The following CNTLN variants were observed in gnomAD, a reference collection of about 807,000 sequenced individuals.
CNTLN encodes centlein, also known as centlein, centrosomal protein.
In CNTLN, 212 loss-of-function variants were observed where a neutral mutation model predicts 180.0. The observed-to-expected ratio is 1.18, with a 90% CI of 1.05 to 1.32. The LOEUF is 1.32. Ranked by LOEUF, CNTLN falls within the 40% of genes most tolerant of loss-of-function variation. CNTLN has a pLI of 0.00. For synonymous variants in CNTLN, 722 were observed against 563.1 expected (o/e 1.28, Z -3.99); for missense variants, 2,095 against 1,610.9 (o/e 1.30, Z -5.14).
intron 2 of CNTLN, among the ~76,000 whole-genome samples, chr9:17,144,803 G>T (rs1818332871): frequency 6.6e-6 from 1 of 150,812 alleles, no homozygotes; most frequent in Non-Finnish European, 1.5e-5. Flanking sequence ...TATACTTGGA[G>T]AATTTATTTA....
chr9:17,431,619 C>A (rs1473676038), intron 18 of CNTLN, among the ~76,000 whole-genome samples: 2 of 152,060 alleles, frequency 1.3e-5, no homozygotes, highest in East Asian at 3.9e-4. Context: ...TGGCCCAAAC[C>A]AGTGCCCTGA....
At chr9:17,158,423 A>G (rs115948607) in intron 2 of CNTLN, among the ~76,000 whole-genome samples, 2 of 152,030 alleles carry the variant, frequency 1.3e-5, no homozygotes, top group African/African-American at 4.8e-5. Flanking sequence ...TGTTTCCTTA[A>G]ATTTTATGAA....
intron 23 of CNTLN, among the ~76,000 whole-genome samples, chr9:17,471,303 C>T (rs888468628): frequency 1.3e-5 from 2 of 151,900 alleles, no homozygotes; most frequent in African/African-American, 4.8e-5. Flanking sequence ...CTAAAAATGA[C>T]ATGTATCGCA....
At chr9:17,519,617 A>G in the CNTLN span, among the ~76,000 whole-genome samples, 1 of 152,208 alleles carries the variant, frequency 6.6e-6, no homozygotes, top group Non-Finnish European at 1.5e-5. Flanking sequence ...AGCTTTTTTT[A>G]CACTTTCTTT....
At chr9:17,494,136 G>T (rs1000112123) in intron 25 of CNTLN, among the ~76,000 whole-genome samples, 1 of 152,136 alleles carries the variant, frequency 6.6e-6, no homozygotes, top group African/African-American at 2.4e-5. Context: ...AAAATACATG[G>T]AAAATAACTC....
chr9:17,474,142 T>C (rs1357226339), intron 23 of CNTLN, among the ~76,000 whole-genome samples: 1 of 152,186 alleles, frequency 6.6e-6, no homozygotes, highest in Non-Finnish European at 1.5e-5. Context: ...TTCTGACCTA[T>C]GACTCCCTAA....
intron 5 of CNTLN, among the ~76,000 whole-genome samples, chr9:17,270,032 T>G (rs1195499553): frequency 6.6e-6 from 1 of 152,162 alleles, no homozygotes; most frequent in African/African-American, 2.4e-5. Context: ...TAGCTCTAAG[T>G]GCTTACACTT....
intron 18 of CNTLN, among the ~76,000 whole-genome samples, chr9:17,436,803 G>A (rs7870334): frequency 0.13 from 19,541 of 152,062 alleles, 1,515 homozygotes; most frequent in African/African-American, 0.21. Context: ...CCTCATTTCC[G>A]TTTTTGTGAT....
At chr9:17,213,526 T>C (rs1041456446) in intron 2 of CNTLN, among the ~76,000 whole-genome samples, 1 of 152,242 alleles carries the variant, frequency 6.6e-6, no homozygotes, top group African/African-American at 2.4e-5. Flanking sequence ...GAAGCATGTA[T>C]ATTCTGTTGA....
intron 6 of CNTLN, among the ~76,000 whole-genome samples, chr9:17,288,575 G>A (rs1429556048): frequency 1.6e-5 from 2 of 127,890 alleles, no homozygotes; most frequent in Non-Finnish European, 3.2e-5. Context: ...TTGACTTTCT[G>A]TCTCGTTGAT....
chr9:17,147,210 G>A (rs962532917), intron 2 of CNTLN, among the ~76,000 whole-genome samples: 4 of 152,186 alleles, frequency 2.6e-5, no homozygotes, highest in African/African-American at 4.8e-5. Flanking sequence ...TCATTGTAGT[G>A]AATGAGAGTT....
chr9:17,265,618 A>C (rs964569919), intron 5 of CNTLN, among the ~76,000 whole-genome samples: 6 of 152,134 alleles, frequency 3.9e-5, no homozygotes, highest in South Asian at 2.1e-4. Flanking sequence ...GAGTGGTACC[A>C]GCTCCTCTTT....
intron 7 of CNTLN, among the ~76,000 whole-genome samples, chr9:17,307,879 A>G (rs1818829594): frequency 6.6e-6 from 1 of 151,858 alleles, no homozygotes; most frequent in African/African-American, 2.4e-5. Context: ...AAATGAGCAA[A>G]CCTAAAAACT....
chr9:17,165,791 C>T (rs1362630473), intron 2 of CNTLN, among the ~76,000 whole-genome samples: 1 of 152,192 alleles, frequency 6.6e-6, no homozygotes, highest in African/African-American at 2.4e-5. Flanking sequence ...CTCAGAGTTG[C>T]TGGAAGCAGA....
intron 13 of CNTLN, among the ~76,000 whole-genome samples, chr9:17,371,991 A>G (rs962045487): frequency 2.6e-5 from 4 of 152,166 alleles, no homozygotes; most frequent in Admixed American, 2.6e-4. Flanking sequence ...GTTTATAGCT[A>G]TAAATGCCTA....
At chr9:17,513,969 A>G in the CNTLN span, among the ~76,000 whole-genome samples, 1 of 152,168 alleles carries the variant, frequency 6.6e-6, no homozygotes, top group African/African-American at 2.4e-5. Context: ...AAGGTAATAT[A>G]TGATTTGCTA....
intron 2 of CNTLN, among the ~76,000 whole-genome samples, chr9:17,156,987 G>A (rs979718176): frequency 1.3e-5 from 2 of 152,174 alleles, no homozygotes; most frequent in African/African-American, 4.8e-5. Context: ...ATCACACTAT[G>A]TAGAAAGATA....
chr9:17,174,306 A>G (rs1820583339), intron 2 of CNTLN, among the ~76,000 whole-genome samples: 1 of 152,192 alleles, frequency 6.6e-6, no homozygotes, highest in Non-Finnish European at 1.5e-5. Flanking sequence ...ATTTGTGTAC[A>G]TACTTTTTTG....
chr9:17,399,966 G>A (rs886135126), intron 15 of CNTLN, among the ~76,000 whole-genome samples: 32 of 152,118 alleles, frequency 2.1e-4, no homozygotes, highest in African/African-American at 6.7e-4. Flanking sequence ...GCATGTAACC[G>A]TTTCTTCGGG....
Sources: gnomAD v4.1 joint callset for allele counts (sites outside exome capture counted in the v4.1 genomes callset) on GRCh38, gnomAD v4.1.1 for gene constraint, MANE v1.5 for transcripts, NCBI Gene and HGNC (gene_info 2026-07-23, HGNC 2026-07-21) for gene names.